VRK2: variants seen among roughly 807,000 people sequenced by gnomAD.
VRK2 encodes serine/threonine-protein kinase VRK2.
VRK2 carries 60 observed loss-of-function variants against 57.6 expected under a neutral mutation model. The ratio of observed to expected loss-of-function variants is 1.04; its 90% CI spans 0.85 to 1.29. The LOEUF (loss-of-function observed/expected upper bound fraction) is 1.29. Ranked by LOEUF, VRK2 falls within the 50% of genes most tolerant of loss-of-function variation. VRK2 has a pLI of 0.00. For missense variants in VRK2, 705 were observed against 588.1 expected (o/e 1.20, Z -2.06); for synonymous variants, 231 against 199.2 (o/e 1.16, Z -1.35).
chr2:57,923,523 G>GT (rs34967704), intron 1 of VRK2, among the ~76,000 whole-genome samples: 53,573 of 148,514 alleles, frequency 0.36, 9,516 homozygotes, highest in Middle Eastern at 0.41. Flanking sequence ...CCATTTGTAT[G>GT]TTTTTTTTTT....
chr2:57,956,516 G>T (rs761455302), intron 1 of VRK2, among the ~76,000 whole-genome samples: 2 of 152,130 alleles, frequency 1.3e-5, no homozygotes, highest in Non-Finnish European at 2.9e-5. Context: ...CCTCTATCTG[G>T]TTCTCTAATT....
At chr2:57,996,393 C>A (rs1672923867) in intron 1 of VRK2, among the ~76,000 whole-genome samples, 1 of 152,158 alleles carries the variant, frequency 6.6e-6, no homozygotes, top group Non-Finnish European at 1.5e-5. Context: ...TAAGCAAGAA[C>A]TGTGAGAGTC....
chr2:57,971,133 G>C (rs1672082193), intron 1 of VRK2, among the ~76,000 whole-genome samples: 1 of 151,876 alleles, frequency 6.6e-6, no homozygotes, highest in African/African-American at 2.4e-5. Context: ...CATACTCATG[G>C]CCATCATTTA....
intron 1 of VRK2, among the ~76,000 whole-genome samples, chr2:57,923,076 T>A (rs1417661365): frequency 6.6e-6 from 1 of 152,116 alleles, no homozygotes; most frequent in Non-Finnish European, 1.5e-5. Flanking sequence ...GGCTGAATAG[T>A]ACTCCATTGT....
At chr2:58,021,051 A>G (rs927249533) in intron 1 of VRK2, among the ~76,000 whole-genome samples, 1 of 152,244 alleles carries the variant, frequency 6.6e-6, no homozygotes, top group Admixed American at 6.5e-5. Flanking sequence ...AGTAGGTCTA[A>G]TATCAGCCAG....
upstream of VRK2, among the ~76,000 whole-genome samples, chr2:58,042,500 T>C (rs1047650749): frequency 2.0e-5 from 3 of 152,114 alleles, no homozygotes; most frequent in African/African-American, 7.3e-5. Context: ...ATGATCTCCT[T>C]ATCTCACTTT....
intron 7 of VRK2, among the ~76,000 whole-genome samples, chr2:58,113,793 G>GC (rs1202904121): frequency 6.6e-6 from 1 of 152,166 alleles, no homozygotes; most frequent in African/African-American, 2.4e-5. Context: ...AGTTACTTAG[G>GC]CCATCTGGGC....
intron 5 of VRK2, among the ~76,000 whole-genome samples, chr2:58,088,049 CAA>C (rs1301758653): frequency 1.3e-5 from 2 of 152,010 alleles, no homozygotes; most frequent in Non-Finnish European, 2.9e-5. Context: ...GTCATGGAGT[CAA>C]AATGAATTGC....
Position 57,969,796 on chromosome 2 carries a change from C to A in VRK2, c.-438-55869C>A, listed in dbSNP as rs537965504. On this transcript the variant is annotated intron_variant, in intron 1 of 15. Transcript: ENST00000417641. ...GCTATGCTTAAGCAGCTTAAGAAATCTCTCCTCTTATTCTGCCTTTGGAGC... is the reference window on the plus strand; with the variant it reads ...GCTATGCTTAAGCAGCTTAAGAAATATCTCCTCTTATTCTGCCTTTGGAGC... 2.0e-5 allele frequency among the ~76,000 whole-genome samples: 3 copies of A among 152,224 alleles called. No individual in the cohort carries two copies. In the South Asian group the frequency reaches 6.2e-4, roughly 32 times the overall value.
At chr2:58,013,663 A>T (rs1432085276) in intron 1 of VRK2, among the ~76,000 whole-genome samples, 2 of 151,776 alleles carry the variant, frequency 1.3e-5, no homozygotes, top group African/African-American at 2.4e-5. Context: ...CGAGGTCAGG[A>T]GATCGAGACC....
chr2:58,008,913 G>A (rs892270754), intron 1 of VRK2, among the ~76,000 whole-genome samples: 5 of 152,082 alleles, frequency 3.3e-5, no homozygotes, highest in African/African-American at 9.7e-5. Context: ...GATGAATGTT[G>A]CCCTCTGCTT....
chr2:57,957,345 A>G (rs1285850517), intron 1 of VRK2, among the ~76,000 whole-genome samples: 1 of 152,030 alleles, frequency 6.6e-6, no homozygotes, highest in Non-Finnish European at 1.5e-5. Flanking sequence ...CATACTACTG[A>G]AACCAACATT....
chr2:58,073,113 C>T (rs527476467), intron 2 of VRK2, among the ~76,000 whole-genome samples: 9 of 151,916 alleles, frequency 5.9e-5, no homozygotes, highest in Non-Finnish European at 8.8e-5. Flanking sequence ...TTAAATTCCA[C>T]GTATTTTGAC....
At chr2:58,066,243 C>T (rs938122844) in intron 2 of VRK2, among the ~76,000 whole-genome samples, 2 of 152,160 alleles carry the variant, frequency 1.3e-5, no homozygotes, top group African/African-American at 2.4e-5. Context: ...TGTAGGTTTT[C>T]ATACCTGCTC....
chr2:58,048,501 A>G, intron 1 of VRK2: 1 of 1,200,068 alleles, frequency 8.3e-7, no homozygotes, highest in Non-Finnish European at 1.1e-6. Flanking sequence ...TCTTCATTGG[A>G]AATTGTTAAT....
At chr2:57,986,979 G>A (rs970442120) in intron 1 of VRK2, among the ~76,000 whole-genome samples, 1 of 152,072 alleles carries the variant, frequency 6.6e-6, no homozygotes, top group Admixed American at 6.6e-5. Flanking sequence ...TAAAAATTGT[G>A]TTGGAAAAAC....
chr2:57,997,956 T>C (rs1431540844), intron 1 of VRK2, among the ~76,000 whole-genome samples: 1 of 152,028 alleles, frequency 6.6e-6, no homozygotes, highest in Admixed American at 6.6e-5. Context: ...ATAAATTGTA[T>C]TAGTCAAACA....
At chr2:58,034,941 G>A (rs1314169235) in intron 3 of VRK2, among the ~76,000 whole-genome samples, 3 of 151,914 alleles carry the variant, frequency 2.0e-5, no homozygotes, top group Non-Finnish European at 4.4e-5. Context: ...TAGTCCAAAC[G>A]TTTTAGTCAA....
rs569698672 is a variant in VRK2, at chr2:58,144,010, T to C, written c.1024-2306T>C. 1.9e-4 allele frequency among the ~76,000 whole-genome samples: 29 copies of C among 151,242 alleles called. 1 individual carries two copies. In the East Asian group the frequency reaches 5.0e-3, roughly 26 times the overall value. The stretch of plus-strand genomic sequence containing the variant: ...ACATATATACACATACATATATACA[T>C]ATACACATATATATATACATATATA... On this transcript the variant is annotated intron_variant, in intron 11 of 12. Coordinates refer to ENST00000340157, the MANE Select transcript of VRK2 (RefSeq NM_006296.7).
Sources: allele counts gnomAD v4.1 joint callset (sites outside exome capture counted in the v4.1 genomes callset), GRCh38; gene constraint gnomAD v4.1.1; transcripts MANE v1.5; gene names NCBI Gene and HGNC (gene_info 2026-07-23, HGNC 2026-07-21).